Variants in NCOR1 observed in about 807,000 individuals in gnomAD.
NCOR1 encodes nuclear receptor corepressor 1, also known as protein phosphatase 1, regulatory subunit 109.
NCOR1 carries 63 observed loss-of-function variants against 288.1 expected under a neutral mutation model. The observed-to-expected ratio is 0.22, with a 90% CI of 0.18 to 0.27. NCOR1 has a LOEUF of 0.27. NCOR1 is among the 10% of genes least tolerant of loss of function. The pLI, the probability that NCOR1 is intolerant of heterozygous loss-of-function variation, is 1.00. For missense variants in NCOR1, 2,397 were observed against 3,019.2 expected (o/e 0.79, Z 4.83); for synonymous variants, 1,007 against 1,065.9 (o/e 0.94, Z 1.08).
At chr17:16,044,459 T>C (rs762404394) in intron 42 of NCOR1, 2 of 472,496 alleles carry the variant, frequency 4.2e-6, no homozygotes, top group Non-Finnish European at 8.8e-6. Flanking sequence ...AGGAGACTAG[T>C]AGATGGTAGA....
At position 16,121,274 on chromosome 17, in the gene NCOR1, A is replaced by T. The variant is rs145836603; in HGVS notation, c.1635-5T>A. 23 of 1,609,810 alleles carry T rather than the reference A, an allele frequency of 1.4e-5. No individual in the cohort carries two copies. Among genetic ancestry groups the T allele is most frequent in the Non-Finnish European group, 1.6e-5 (19 of 1,178,204 alleles). ...TCCTTTTCCTTGGTATTTTCTCTGG[A>T]CACAAAAGCAAATGAAAACTTGTGT... On this transcript the variant is annotated splice_region_variant and splice_polypyrimidine_tract_variant and intron_variant, in intron 15 of 45. Transcript: ENST00000268712.
At chr17:16,175,712 T>C (rs934715080) in intron 3 of NCOR1, among the ~76,000 whole-genome samples, 4 of 151,898 alleles carry the variant, frequency 2.6e-5, no homozygotes, top group African/African-American at 9.7e-5. Context: ...ATATAGCAAC[T>C]CTGTCTCTAC....
At chr17:16,033,873 T>C (rs1973205722) in intron 45 of NCOR1, among the ~76,000 whole-genome samples, 1 of 152,108 alleles carries the variant, frequency 6.6e-6, no homozygotes, top group Admixed American at 6.6e-5. Context: ...TGGCGCAATC[T>C]CAGCTCACTG....
intron 21 of NCOR1, among the ~76,000 whole-genome samples, chr17:16,094,474 A>C (rs1021484175): frequency 1.3e-5 from 2 of 152,258 alleles, no homozygotes; most frequent in Non-Finnish European, 2.9e-5. Flanking sequence ...AAATAACTAA[A>C]GAAAAGAACA....
At chr17:16,113,088 T>C (rs2070680430) in intron 18 of NCOR1, among the ~76,000 whole-genome samples, 2 of 151,848 alleles carry the variant, frequency 1.3e-5, no homozygotes, top group Admixed American at 1.3e-4. Context: ...CATTTTTTTC[T>C]GTATTTTTAG....
At chr17:16,149,277 G>A (rs1213464488) in intron 9 of NCOR1, among the ~76,000 whole-genome samples, 174 bp downstream of exon 9, 11 of 137,082 alleles carry the variant, frequency 8.0e-5, no homozygotes, top group Admixed American at 7.5e-4. Context: ...AATGTTACTA[G>A]AATTAGATTT....
intron 7 of NCOR1, 39 bp downstream of exon 7, chr17:16,153,300 T>TAAA: frequency 8.2e-7 from 1 of 1,218,038 alleles, no homozygotes; most frequent in Non-Finnish European, 1.1e-6. Flanking sequence ...CACCAAAAAT[T>TAAA]AAAAAAAAAA....
chr17:16,048,366 G>C (rs909223142), intron 41 of NCOR1, among the ~76,000 whole-genome samples: 20 of 152,170 alleles, frequency 1.3e-4, no homozygotes. Context: ...ATGAGTTTTA[G>C]ACAAATCACT....
intron 4 of NCOR1, among the ~76,000 whole-genome samples, chr17:16,170,701 G>C (rs1229776385): frequency 6.6e-6 from 1 of 151,992 alleles, no homozygotes; most frequent in African/African-American, 2.4e-5. Flanking sequence ...TGGGCATGGT[G>C]GTGCGTCCCT....
chr17:16,173,024 G>A (rs985313419), intron 3 of NCOR1, among the ~76,000 whole-genome samples: 10 of 151,998 alleles, frequency 6.6e-5, no homozygotes, highest in African/African-American at 2.2e-4. Context: ...TCCACCTCCC[G>A]GATTCAAGTG....
chr17:16,095,276 G>A (rs1178996513), intron 21 of NCOR1, among the ~76,000 whole-genome samples: 1 of 149,648 alleles, frequency 6.7e-6, no homozygotes, highest in South Asian at 2.1e-4. Context: ...GGGAGGTGAG[G>A]AGCGTCTCTG....
At chr17:16,079,142 C>T (rs1356971543) in intron 26 of NCOR1, among the ~76,000 whole-genome samples, 1 of 152,182 alleles carries the variant, frequency 6.6e-6, no homozygotes, top group Admixed American at 6.5e-5. Flanking sequence ...TGGGAAAACA[C>T]AGACTGCCAG....
intron 1 of NCOR1, among the ~76,000 whole-genome samples, chr17:16,201,726 G>C (rs1013073096): frequency 3.3e-5 from 5 of 152,102 alleles, no homozygotes; most frequent in Admixed American, 3.3e-4. Flanking sequence ...GTGGTATGTC[G>C]ACACTACATT....
At chr17:16,115,672 A>C (rs1671639812) in intron 18 of NCOR1, among the ~76,000 whole-genome samples, 1 of 152,194 alleles carries the variant, frequency 6.6e-6, no homozygotes, top group Non-Finnish European at 1.5e-5. Context: ...CTTTGCTCCA[A>C]TTCCCAACAA....
chr17:16,171,985 T>C lies in NCOR1; in HGVS notation c.253A>G (p.Arg85Gly), dbSNP rs972904216. 5.7e-6 allele frequency: 9 copies of C among 1,575,866 alleles called. No individual in the cohort carries two copies. Among genetic ancestry groups the C allele is most frequent in the Non-Finnish European group, 6.9e-6 (8 of 1,163,692 alleles). ...FHPGSDRPQE[R>G]RTSYEPFHPG... Reference sequence around the variant, plus strand: ...TGAAACGGTTCATAACTAGTTCTCCTTTCTTGAGGCCTAATACATACAAAG... The same window carrying C: ...TGAAACGGTTCATAACTAGTTCTCCCTTCTTGAGGCCTAATACATACAAAG... Residue 85 changes from arginine to glycine, a missense_variant, in exon 4 of 46, where the codon AGG (arginine) becomes GGG (glycine). Arg to Gly is a moderately radical substitution (Grantham distance 125). Around this residue, in one of 11 missense-constraint regions of NCOR1, gnomAD observed 110 missense variants for 123.2 expected, o/e 0.89. Coordinates refer to ENST00000268712, the MANE Select transcript of NCOR1 (RefSeq NM_006311.4).
rs1567882136 is a variant in NCOR1 at position 16,079,980 on chromosome 17, C to T, written c.3485G>A (p.Arg1162Gln). 9 of 1,613,656 alleles carry T rather than the reference C, an allele frequency of 5.6e-6. No individual in the cohort carries two copies. The highest frequency in any genetic ancestry group is 2.2e-5 in the East Asian group (1 of 44,878). The change falls in exon 26 of 46, where the codon CGG becomes CAG. Residue 1162 changes from arginine to glutamine, a missense_variant. Physicochemically the swap from Arg to Gln is conservative, Grantham distance 43. Around this residue, in one of 11 missense-constraint regions of NCOR1, gnomAD observed 1,872 missense variants for 2,187.8 expected, o/e 0.86. Coordinates refer to ENST00000268712, the MANE Select transcript of NCOR1 (RefSeq NM_006311.4). Reference sequence around the variant, plus strand: ...GTGACTAACCTGAGTGATAGAGCCCCGTAGGGATGGAATGCTCTCCACTGA... The same window carrying T: ...GTGACTAACCTGAGTGATAGAGCCCTGTAGGGATGGAATGCTCTCCACTGA... ...KISVESIPSL[R>Q]GSITQGTPAL...
At chr17:16,164,678 C>T (rs2081636603) in intron 5 of NCOR1, among the ~76,000 whole-genome samples, 1 of 151,890 alleles carries the variant, frequency 6.6e-6, no homozygotes, top group Admixed American at 6.6e-5. Context: ...TTCCTGGGCA[C>T]ATGCCCTAGA....
intron 10 of NCOR1, 81 bp from the exon 11 acceptor site, chr17:16,143,777 T>C (rs2077469892): frequency 9.6e-7 from 1 of 1,040,670 alleles, no homozygotes; most frequent in African/African-American, 1.6e-5. Flanking sequence ...TAGATTACTT[T>C]TCTGAATGGA....
intron 30 of NCOR1, among the ~76,000 whole-genome samples, chr17:16,070,960 C>T (rs1428347058): frequency 4.0e-5 from 6 of 151,518 alleles, no homozygotes; most frequent in East Asian, 1.9e-4. Flanking sequence ...ACCCAGGAGG[C>T]GGACGTTGCA....
Sources: gnomAD v4.1 joint callset for allele counts (sites outside exome capture counted in the v4.1 genomes callset) on GRCh38, gnomAD v4.1.1 for gene constraint, gnomAD v4.1.1 regional missense constraint, MANE v1.5 for transcripts, NCBI Gene and HGNC (gene_info 2026-07-23, HGNC 2026-07-21) for gene names.